VRK1: variants seen among roughly 807,000 people sequenced by gnomAD.
The protein encoded by VRK1 is serine/threonine-protein kinase VRK1.
Under a neutral mutation model 57.1 loss-of-function variants are expected in VRK1, and 33 were observed. The ratio of observed to expected loss-of-function variants is 0.58; its 90% CI spans 0.44 to 0.77. The LOEUF is 0.77. Among genes scored for constraint, VRK1 ranks in the 30% least tolerant of loss-of-function variants. The pLI, the probability that VRK1 is intolerant of heterozygous loss-of-function variation, is 0.00. For missense variants in VRK1, 413 were observed against 477.3 expected (o/e 0.87, Z 1.25); for synonymous variants, 137 against 147.8 (o/e 0.93, Z 0.53).
chr14:96,860,600 C>T lies in VRK1; in HGVS notation c.933C>T (p.Tyr311=). 6.2e-7 allele frequency: 1 copy of T among 1,613,032 alleles called. No individual in the cohort carries two copies. Among genetic ancestry groups the T allele is most frequent in the Non-Finnish European group, 8.5e-7 (1 of 1,179,386 alleles). ...KYMETVKLLD[Y]TEKPLYENLR... is the part of the protein sequence containing the mutation. ...TGGAAACAGTGAAATTACTAGACTA[C>T]ACTGAAAAACCTCTTTATGAAAATT... Residue 311 remains tyrosine, a synonymous_variant, in exon 11 of 13, where the codon TAC becomes TAT. Coordinates refer to ENST00000216639, the MANE Select transcript of VRK1 (RefSeq NM_003384.3).
intron 1 of VRK1, among the ~76,000 whole-genome samples, chr14:96,826,121 T>C (rs1450977706): frequency 6.6e-6 from 1 of 152,228 alleles, no homozygotes; most frequent in Non-Finnish European, 1.5e-5. Flanking sequence ...CATATTGTGA[T>C]AAATATAGCT....
chr14:96,838,580 T>C (rs1428589760), intron 3 of VRK1, among the ~76,000 whole-genome samples: 1 of 152,060 alleles, frequency 6.6e-6, no homozygotes, highest in Non-Finnish European at 1.5e-5. Flanking sequence ...CTCTACGGGA[T>C]ACATGTATTA....
At chr14:96,860,846 CAATT>C (rs1888363280) in intron 11 of VRK1, 111 bp downstream of exon 11, 1 of 1,099,314 alleles carries the variant, frequency 9.1e-7, no homozygotes, top group African/African-American at 1.6e-5. Context: ...GATTGCATGG[CAATT>C]AAGGCAAACA....
intron 3 of VRK1, among the ~76,000 whole-genome samples, chr14:96,842,813 A>T (rs1022691697): frequency 6.6e-6 from 1 of 152,212 alleles, no homozygotes; most frequent in Admixed American, 6.5e-5. Flanking sequence ...AATCTGGCAC[A>T]CAGAGCACCT....
Position 96,869,918 on chromosome 14 carries a change from G to T in VRK1, c.1069-6112G>T, listed in dbSNP as rs564952381. Among the ~76,000 whole-genome samples, 87 of 152,216 alleles carry T rather than the reference G, an allele frequency of 5.7e-4. No individual in the cohort carries two copies. The Middle Eastern group carries it at 0.014, about 24-fold the overall frequency. The stretch of plus-strand genomic sequence containing the variant: ...TACGCTTGTTCATGTGTTGCCTTGA[G>T]ATTAGTTAACTCCCCACCAGTATAT... On this transcript the variant is annotated intron_variant, in intron 11 of 12. Transcript: ENST00000216639.
chr14:96,821,819 TC>T (rs1390546247), intron 1 of VRK1, among the ~76,000 whole-genome samples: 4 of 152,200 alleles, frequency 2.6e-5, no homozygotes, highest in African/African-American at 9.6e-5. Context: ...GCCATTGCTC[TC>T]CCCTGGCTAA....
chr14:96,848,306 G>A (rs942491506), intron 5 of VRK1, among the ~76,000 whole-genome samples: 4 of 152,200 alleles, frequency 2.6e-5, no homozygotes, highest in African/African-American at 7.2e-5. Context: ...TCCTGGCAAA[G>A]AAAGCTTTCC....
intron 1 of VRK1, among the ~76,000 whole-genome samples, chr14:96,819,542 G>A (rs190741347): frequency 5.3e-5 from 8 of 152,264 alleles, no homozygotes; most frequent in East Asian, 1.9e-4. Context: ...AAATAATTGC[G>A]GTTTTGGACT....
At chr14:96,830,115 A>G (rs1325027226) in intron 1 of VRK1, among the ~76,000 whole-genome samples, 2 of 152,128 alleles carry the variant, frequency 1.3e-5, no homozygotes, top group Non-Finnish European at 2.9e-5. Context: ...TTCCTTATAA[A>G]ATATCTGCAG....
intron 12 of VRK1, among the ~76,000 whole-genome samples, chr14:96,878,175 G>T (rs1299181679): frequency 6.6e-6 from 1 of 152,046 alleles, no homozygotes; most frequent in African/African-American, 2.4e-5. Context: ...ATAAGTGAGA[G>T]AAATATTATC....
At position 96,855,101 on chromosome 14, in the gene VRK1, T is replaced by C. The variant is rs192688732; in HGVS notation, c.577-123T>C. The C allele has an allele frequency of 1.0e-5, 14 of 1,341,978 alleles. No individual in the cohort carries two copies. The East Asian group carries it at 3.0e-4, about 29-fold the overall frequency. The allele number at this position is 1,341,978 out of a possible 1,614,324, so 83.1% of individuals were successfully genotyped here. A position where few individuals can be genotyped will look rare whatever the true frequency, so the allele number is the denominator to read the frequency against. On this transcript the variant is annotated intron_variant, in intron 7 of 12. Coordinates refer to ENST00000216639, the MANE Select transcript of VRK1 (RefSeq NM_003384.3). ...CATTTTGGATCTAAATTGTTTGGAG[T>C]GTTATGGAATGACCTTGTAGGTGAA...
At chr14:96,876,567 A>G (rs988737655) in intron 12 of VRK1, among the ~76,000 whole-genome samples, 2 of 152,144 alleles carry the variant, frequency 1.3e-5, no homozygotes, top group African/African-American at 2.4e-5. Flanking sequence ...AGAACTCTTA[A>G]CTGTCAGGCC....
intron 1 of VRK1, among the ~76,000 whole-genome samples, 168 bp from the exon 2 acceptor site, chr14:96,833,299 A>C (rs577915240): frequency 2.0e-5 from 3 of 152,328 alleles, no homozygotes; most frequent in African/African-American, 7.2e-5. Context: ...TTAAGAGATA[A>C]TCAAATAGGA....
At chr14:96,853,311 T>G in intron 7 of VRK1, 145 bp downstream of exon 7, 1 of 728,984 alleles carries the variant, frequency 1.4e-6, no homozygotes. Context: ...TTTGATCTAG[T>G]TAACATTCTA....
At chr14:96,813,705 T>G (rs1886290636) in intron 1 of VRK1, among the ~76,000 whole-genome samples, 1 of 152,182 alleles carries the variant, frequency 6.6e-6, no homozygotes, top group East Asian at 1.9e-4. Context: ...TTTATACTAT[T>G]TTTATGGCAT....
intron 1 of VRK1, among the ~76,000 whole-genome samples, chr14:96,830,882 C>T (rs372567711): frequency 1.1e-4 from 16 of 152,270 alleles, no homozygotes; most frequent in East Asian, 1.9e-4. Flanking sequence ...TTCCTTTCTT[C>T]GTATTATCCT....
chr14:96,867,738 C>T (rs979388330), intron 11 of VRK1, among the ~76,000 whole-genome samples: 3 of 152,104 alleles, frequency 2.0e-5, no homozygotes, highest in South Asian at 2.1e-4. Flanking sequence ...ATTTCCTTAA[C>T]GCTGTTTTGT....
At chr14:96,833,377 G>C (rs1390906505) in intron 1 of VRK1, 90 bp from the exon 2 acceptor site, 1 of 1,479,884 alleles carries the variant, frequency 6.8e-7, no homozygotes, top group Admixed American at 1.8e-5. Context: ...AATTTGAACA[G>C]CATCTCCGTA....
At chr14:96,876,640 G>A (rs888643825) in intron 12 of VRK1, among the ~76,000 whole-genome samples, 2 of 152,130 alleles carry the variant, frequency 1.3e-5, no homozygotes, top group African/African-American at 2.4e-5. Context: ...GAGTGTCAGG[G>A]GTCAGACATG....
Sources: gnomAD v4.1 joint callset for allele counts (sites outside exome capture counted in the v4.1 genomes callset) on GRCh38, gnomAD v4.1.1 for gene constraint, MANE v1.5 for transcripts, NCBI Gene and HGNC (gene_info 2026-07-23, HGNC 2026-07-21) for gene names.